Variants in GABRA5 observed in about 807,000 individuals in gnomAD.
GABRA5 encodes gamma-aminobutyric acid type A receptor subunit alpha5.
A neutral mutation model predicts 47.3 loss-of-function variants in GABRA5; 18 were observed. The ratio of observed to expected loss-of-function variants is 0.38; its 90% CI spans 0.26 to 0.56. The LOEUF is 0.56. GABRA5 is among the 20% of genes least tolerant of loss of function. The pLI is 0.71. For synonymous variants in GABRA5, 237 were observed against 229.3 expected, an observed-to-expected ratio of 1.03 and a Z score of -0.30; for missense variants, 365 against 599.3, an observed-to-expected ratio of 0.61 and a Z score of 4.08.
At chr15:26,875,341 A>G (rs1892568897) in intron 3 of GABRA5, among the ~76,000 whole-genome samples, 1 of 152,110 alleles carries the variant, frequency 6.6e-6, no homozygotes, top group Non-Finnish European at 1.5e-5. Flanking sequence ...CAGCTACACC[A>G]ATGTGGACCA....
intron 6 of GABRA5, among the ~76,000 whole-genome samples, chr15:26,898,297 G>A (rs949245080): frequency 8.2e-6 from 1 of 122,616 alleles, no homozygotes; most frequent in Non-Finnish European, 1.8e-5. Flanking sequence ...CTGTACAGCT[G>A]TGCTGGTGAG....
intron 7 of GABRA5, among the ~76,000 whole-genome samples, chr15:26,934,112 C>T (rs1894174858): frequency 6.6e-6 from 1 of 151,978 alleles, no homozygotes; most frequent in South Asian, 2.1e-4. Flanking sequence ...ATTATCCAGG[C>T]ATGGTGGCAG....
At chr15:26,902,801 T>C (rs1893357100) in intron 6 of GABRA5, among the ~76,000 whole-genome samples, 1 of 152,036 alleles carries the variant, frequency 6.6e-6, no homozygotes, top group Non-Finnish European at 1.5e-5. Flanking sequence ...AAAAATCAAG[T>C]TGAGGAAGTT....
intron 3 of GABRA5, among the ~76,000 whole-genome samples, chr15:26,870,089 C>T (rs1471471024): frequency 2.6e-5 from 4 of 152,190 alleles, no homozygotes; most frequent in Admixed American, 2.6e-4. Flanking sequence ...AAGTTGATGG[C>T]ATATAATTAA....
At chr15:26,910,501 G>T (rs1893554380) in intron 6 of GABRA5, among the ~76,000 whole-genome samples, 2 of 151,928 alleles carry the variant, frequency 1.3e-5, no homozygotes, top group Non-Finnish European at 2.9e-5. Flanking sequence ...TCTGGAGGCT[G>T]GGGCAGGAAA....
chr15:26,892,994 G>A (rs1415296213), intron 6 of GABRA5, among the ~76,000 whole-genome samples: 6 of 150,476 alleles, frequency 4.0e-5, no homozygotes, highest in Non-Finnish European at 8.9e-5. Context: ...AGAGTGTGGC[G>A]TGTGTGTGTA....
intron 6 of GABRA5, among the ~76,000 whole-genome samples, chr15:26,907,971 G>A (rs150675214): frequency 0.013 from 2,032 of 152,232 alleles, 104 homozygotes; most frequent in South Asian, 0.12. Flanking sequence ...ATTTTTATGA[G>A]CACAGTAGTA....
intron 7 of GABRA5, among the ~76,000 whole-genome samples, chr15:26,927,412 T>C (rs1421280174): frequency 1.3e-5 from 2 of 152,250 alleles, no homozygotes; most frequent in African/African-American, 4.8e-5. Context: ...GCGCCCGGCA[T>C]ATCTGCCTGC....
chr15:26,880,759 C>T, intron 3 of GABRA5, 87 bp from the exon 4 acceptor site: 1 of 1,407,106 alleles, frequency 7.1e-7, no homozygotes, highest in Non-Finnish European at 9.8e-7. Flanking sequence ...GACAAGCCTC[C>T]ACGTGACTCC....
rs574598193 is a variant in GABRA5 at position 26,911,697 on chromosome 15, G to A, written c.498-3106G>A. ...GAGAGTAGGTGCATGCAACAGAAAC[G>A]TCACGTCTGGTGCCTGCAATGGCCT... On this transcript the variant is annotated intron_variant, in intron 6 of 10. Transcript: ENST00000335625. Among the ~76,000 whole-genome samples the A allele has an allele frequency of 1.2e-3, 187 of 152,252 alleles. 1 individual carries two copies. The highest frequency in any genetic ancestry group is 4.4e-3 in the African/African-American group (181 of 41,560).
intron 7 of GABRA5, among the ~76,000 whole-genome samples, chr15:26,934,098 C>G (rs1894174174): frequency 6.6e-6 from 1 of 151,766 alleles, no homozygotes; most frequent in Non-Finnish European, 1.5e-5. Flanking sequence ...ACAAAAAATG[C>G]AAAATTATCC....
rs114328087 is a variant in GABRA5 at position 26,874,132 on chromosome 15, A to G, written c.86+4798A>G. 2.8e-3 allele frequency among the ~76,000 whole-genome samples: 419 copies of G among 152,234 alleles called. 3 individuals carry two copies. Among genetic ancestry groups the G allele is most frequent in the African/African-American group, 9.7e-3 (401 of 41,540 alleles). ...GCATGTGGGCTTTCGGGTTTTTACA[A>G]AGGTTCAAATTGCATAAGATGCTCA... On this transcript the variant is annotated intron_variant, in intron 3 of 10. Transcript: ENST00000335625.
rs768209346 is a variant in GABRA5 at position 26,940,055 on chromosome 15, A to G, written c.855A>G (p.Ser285=). 1.9e-6 allele frequency: 3 copies of G among 1,613,308 alleles called. No individual in the cohort carries two copies. Among genetic ancestry groups the G allele is most frequent in the Non-Finnish European group, 2.5e-6 (3 of 1,179,612 alleles). The change falls in exon 9 of 11, where the codon TCA becomes TCG. Residue 285 remains serine (S), a synonymous_variant. Coordinates refer to ENST00000335625, the MANE Select transcript of GABRA5 (RefSeq NM_000810.4). ...SQVSFWLNRE[S]VPARTVFGVT... ...TGTCCTTTTGGCTGAACCGGGAATC[A>G]GTCCCAGCCAGGACAGTTTTTGGTG... is the stretch of plus-strand genomic sequence containing the variant.
At chr15:26,917,683 C>G (rs545051942) in intron 7 of GABRA5, among the ~76,000 whole-genome samples, 1 of 152,154 alleles carries the variant, frequency 6.6e-6, no homozygotes, top group South Asian at 2.1e-4. Context: ...AGTGAACTAT[C>G]TGGTCCTGGG....
chr15:26,876,340 C>T (rs1028900070), intron 3 of GABRA5, among the ~76,000 whole-genome samples: 4 of 152,102 alleles, frequency 2.6e-5, no homozygotes, highest in Middle Eastern at 3.4e-3. Flanking sequence ...ATGAGACAGT[C>T]GGAGGTTAAG....
At chr15:26,925,163 T>C (rs1320907505) in intron 7 of GABRA5, among the ~76,000 whole-genome samples, 2 of 152,116 alleles carry the variant, frequency 1.3e-5, no homozygotes, top group African/African-American at 4.8e-5. Flanking sequence ...TCTAAATTTG[T>C]CTTTCACCAA....
intron 7 of GABRA5, among the ~76,000 whole-genome samples, chr15:26,923,698 C>T (rs1355516449): frequency 1.3e-5 from 2 of 152,086 alleles, no homozygotes; most frequent in African/African-American, 4.8e-5. Context: ...TCTGGTCCAG[C>T]CTGTCTCTGT....
intron 6 of GABRA5, among the ~76,000 whole-genome samples, chr15:26,907,809 A>C (rs1262846178): frequency 6.6e-6 from 1 of 152,218 alleles, no homozygotes; most frequent in Non-Finnish European, 1.5e-5. Context: ...TCCTTGAAAT[A>C]TTATTGTAAG....
intron 10 of GABRA5, among the ~76,000 whole-genome samples, chr15:26,944,268 C>A (rs1894459229): frequency 6.6e-6 from 1 of 152,240 alleles, no homozygotes; most frequent in South Asian, 2.1e-4. Flanking sequence ...CCTGGTTCCA[C>A]TGGGAGACCT....
Sources: gnomAD v4.1 joint callset for allele counts (sites outside exome capture counted in the v4.1 genomes callset) on GRCh38, gnomAD v4.1.1 for gene constraint, MANE v1.5 for transcripts, NCBI Gene and HGNC (gene_info 2026-07-23, HGNC 2026-07-21) for gene names.